The following MMP24 variants were observed in gnomAD, a reference collection of about 807,000 sequenced individuals.
MMP24 encodes the protein matrix metalloproteinase-24.
A neutral mutation model predicts 62.8 loss-of-function variants in MMP24; 25 were observed. The observed-to-expected ratio is 0.40, with a 90% CI of 0.29 to 0.56. The LOEUF (loss-of-function observed/expected upper bound fraction) is 0.56, where lower values mean the gene tolerates loss of function less well. MMP24 is among the 20% of genes least tolerant of loss of function. The pLI is 0.50. For synonymous variants in MMP24, 319 were observed against 350.5 expected (o/e 0.91, Z 1.00); for missense variants, 634 against 853.6 (o/e 0.74, Z 3.21).
chr20:35,273,422 C>G (rs542764957), intron 8 of MMP24, among the ~76,000 whole-genome samples: 30 of 151,238 alleles, frequency 2.0e-4, no homozygotes, highest in Non-Finnish European at 2.9e-5. Context: ...GAAATAAATG[C>G]TGGGAGAGAG....
In MMP24 at chr20:35,263,822, G is replaced by A. The variant is rs1388848517; in HGVS notation, c.849G>A (p.Glu283=). 6.3e-7 allele frequency: 1 copy of A among 1,597,906 alleles called. No individual in the cohort carries two copies. The highest frequency in any genetic ancestry group is 1.3e-5 in the African/African-American group (1 of 74,434). The part of the protein sequence containing the change: ...GNDLFLVAVH[E]LGHALGLEHS... ...ACCTCTTCCTGGTGGCTGTGCATGA[G>A]CTGGGCCACGCGCTGGGACTGGAGC... The change falls in exon 5 of 9, where the codon GAG becomes GAA. Residue 283 remains glutamate, a synonymous_variant. Coordinates refer to ENST00000246186, the MANE Select transcript of MMP24 (RefSeq NM_006690.4).
At chr20:35,267,443 C>G in intron 6 of MMP24, 24 bp downstream of exon 6, 1 of 1,541,978 alleles carries the variant, frequency 6.5e-7, no homozygotes, top group Non-Finnish European at 8.8e-7. Context: ...ATTGGCACCA[C>G]CCAGCTGGCC....
At chr20:35,247,059 C>G in intron 2 of MMP24, 71 bp downstream of exon 2, 1 of 1,538,830 alleles carries the variant, frequency 6.5e-7, no homozygotes, top group Non-Finnish European at 9.0e-7. Flanking sequence ...TTGTCATGGC[C>G]TGTGTACACC....
At chr20:35,251,647 G>A (rs955691803) in intron 2 of MMP24, among the ~76,000 whole-genome samples, 14 of 152,160 alleles carry the variant, frequency 9.2e-5, no homozygotes, top group African/African-American at 3.1e-4. Context: ...GACTAGTGGT[G>A]GAGCTGGAGC....
chr20:35,247,077 C>G (rs2060519099), intron 2 of MMP24, 89 bp downstream of exon 2: 1 of 1,436,464 alleles, frequency 7.0e-7, no homozygotes, highest in Non-Finnish European at 9.7e-7. Context: ...ACCCCATGCC[C>G]ATCCTCCCTT....
At chr20:35,249,160 G>C (rs1397726244) in intron 2 of MMP24, among the ~76,000 whole-genome samples, 1 of 152,148 alleles carries the variant, frequency 6.6e-6, no homozygotes, top group Admixed American at 6.6e-5. Context: ...AGAATTTAGA[G>C]CCCCAAGATG....
chr20:35,269,955 T>C lies in MMP24; in HGVS notation c.1333+57T>C, dbSNP rs1029891496. 6.5e-7 allele frequency: 1 copy of C among 1,544,922 alleles called. No individual in the cohort carries two copies. Among genetic ancestry groups the C allele is most frequent in the Non-Finnish European group, 8.8e-7 (1 of 1,142,668 alleles). Reference sequence around the variant, plus strand: ...TGCCCAAGGTCTTGGGACCTCCTTTTTCCCATCTAAACTGGAAGAGGCGGG... The same window carrying C: ...TGCCCAAGGTCTTGGGACCTCCTTTCTCCCATCTAAACTGGAAGAGGCGGG... On this transcript the variant is annotated intron_variant, in intron 7 of 8. Transcript: ENST00000246186. This position sits in a 1 kb window ranked among gnomAD's most constrained non-coding sequence, Gnocchi z 4.6.
At chr20:35,272,170 T>C in intron 8 of MMP24, 1 of 438,926 alleles carries the variant, frequency 2.3e-6, no homozygotes, top group Non-Finnish European at 4.0e-6. Context: ...TGGGCATGCA[T>C]GTTTCAAAGC....
chr20:35,275,777 A>C lies in MMP24; in HGVS notation c.*1168A>C. The C allele has an allele frequency of 2.6e-6, 1 of 378,190 alleles. No homozygotes were observed. The highest frequency in any genetic ancestry group is 4.7e-6 in the Non-Finnish European group (1 of 213,514). The allele number at this position is 378,190 out of a possible 1,614,324, so 23.4% of individuals were successfully genotyped here. On this transcript the variant is annotated 3_prime_UTR_variant, in exon 9 of 9. Coordinates refer to ENST00000246186, the MANE Select transcript of MMP24 (RefSeq NM_006690.4). ...TCGGCTGGAAGCAGTGTTTTCCCAGAGCTTGGCCCTTGCTGACCTCGCTCA... is the reference window on the plus strand; with the variant it reads ...TCGGCTGGAAGCAGTGTTTTCCCAGCGCTTGGCCCTTGCTGACCTCGCTCA...
chr20:35,258,800 A>G (rs573632009), intron 4 of MMP24, among the ~76,000 whole-genome samples: 2 of 152,160 alleles, frequency 1.3e-5, no homozygotes, highest in East Asian at 1.9e-4. Flanking sequence ...AGAACTTAAA[A>G]AAAAAAAACA....
At chr20:35,256,794 G>A (rs1435526275) in intron 4 of MMP24, among the ~76,000 whole-genome samples, 4 of 151,636 alleles carry the variant, frequency 2.6e-5, no homozygotes, top group Non-Finnish European at 4.4e-5. Context: ...CTGGGTCCGG[G>A]GTAGGGCCTG....
intron 1 of MMP24, 53 bp downstream of exon 1, chr20:35,227,037 G>A (rs1020221685): frequency 1.0e-6 from 1 of 977,348 alleles, no homozygotes; most frequent in Non-Finnish European, 1.2e-6. Context: ...CGGGCAGGGC[G>A]GGGGGCGGCA....
intron 1 of MMP24, among the ~76,000 whole-genome samples, chr20:35,244,246 G>C (rs1345289134): frequency 6.6e-6 from 1 of 152,074 alleles, no homozygotes; most frequent in African/African-American, 2.4e-5. Context: ...TGGCTTACTT[G>C]GCATTCAGGA....
In MMP24 at chr20:35,260,426, T is replaced by C. The variant is rs6058214; in HGVS notation, c.818-3365T>C. The stretch of plus-strand genomic sequence containing the variant: ...GTCTCCCACAGTGCTCAGAGCCGTG[T>C]TCCCTGGTTCCCAGCTGAGCTCCCT... On this transcript the variant is annotated intron_variant, in intron 4 of 8. Transcript: ENST00000246186. 8.2e-3 allele frequency among the ~76,000 whole-genome samples: 1,242 copies of C among 152,296 alleles called. 14 individuals are homozygous for C. Among genetic ancestry groups the C allele is most frequent in the African/African-American group, 0.028 (1,156 of 41,564 alleles).
chr20:35,237,697 C>A (rs974690451), intron 1 of MMP24, among the ~76,000 whole-genome samples: 2 of 152,166 alleles, frequency 1.3e-5, no homozygotes, highest in Non-Finnish European at 1.5e-5. Context: ...GGAGTTAGGT[C>A]ATTTGCCCAA....
At chr20:35,232,521 A>C (rs1340128769) in intron 1 of MMP24, among the ~76,000 whole-genome samples, 1 of 152,176 alleles carries the variant, frequency 6.6e-6, no homozygotes, top group Non-Finnish European at 1.5e-5. Flanking sequence ...AAGAGGGAGG[A>C]GATGAGGTTC....
At chr20:35,228,079 A>C (rs1206849771) in intron 1 of MMP24, among the ~76,000 whole-genome samples, 1 of 152,168 alleles carries the variant, frequency 6.6e-6, no homozygotes, top group Admixed American at 6.5e-5. Flanking sequence ...TCGCCACCCT[A>C]AGAGATGGAG....
chr20:35,243,104 C>T (rs369419663), intron 1 of MMP24, among the ~76,000 whole-genome samples: 3 of 150,990 alleles, frequency 2.0e-5, no homozygotes, highest in African/African-American at 4.9e-5. Context: ...ACTTGAACCT[C>T]GGGGGTGAAG....
Position 35,267,312 on chromosome 20 carries a change from C to T in MMP24, c.1087C>T (p.Arg363Trp), listed in dbSNP as rs1214513678. 2.5e-6 allele frequency: 4 copies of T among 1,595,674 alleles called. No homozygotes were observed. Among genetic ancestry groups the T allele is most frequent in the East Asian group, 2.3e-5 (1 of 43,690 alleles). ...RKHERQPRPP[R>W]PPLGDRPSTP... ...ACACGAGCGCCAGCCCAGGCCCCCTCGGCCGCCCCTCGGGGACCGGCCATC... is the reference window on the plus strand; with the variant it reads ...ACACGAGCGCCAGCCCAGGCCCCCTTGGCCGCCCCTCGGGGACCGGCCATC... The change falls in exon 6 of 9, where the codon CGG (arginine) becomes TGG (tryptophan). Residue 363 changes from arginine (R) to tryptophan (W), a missense_variant. This residue lies in a region of MMP24 where 399 missense variants were observed against 530.8 expected (regional missense o/e 0.75). Transcript: ENST00000246186.
Sources: allele counts gnomAD v4.1 joint callset (sites outside exome capture counted in the v4.1 genomes callset), GRCh38; gene constraint gnomAD v4.1.1; regional missense constraint gnomAD v4.1.1; non-coding constraint Gnocchi (gnomAD v3.1); transcripts MANE v1.5; gene names NCBI Gene and HGNC (gene_info 2026-07-23, HGNC 2026-07-21).